Variants in HIPK2 observed in about 807,000 individuals in gnomAD.
HIPK2 encodes the protein homeodomain interacting protein kinase 2.
In HIPK2, 27 loss-of-function variants were observed where a neutral mutation model predicts 113.7. The observed-to-expected ratio is 0.24, with a 90% CI of 0.17 to 0.33. The LOEUF is 0.33. HIPK2 is among the 10% of genes least tolerant of loss of function. The probability of loss-of-function intolerance (pLI) is 1.00; values close to 1 mark genes in which losing one functional copy is unlikely to be tolerated. For synonymous variants in HIPK2, 631 were observed against 642.2 expected (o/e 0.98, Z 0.26); for missense variants, 1,257 against 1,588.0 (o/e 0.79, Z 3.54).
At chr7:139,762,991 T>G (rs1236757928) in intron 1 of HIPK2, among the ~76,000 whole-genome samples, 2 of 152,196 alleles carry the variant, frequency 1.3e-5, no homozygotes, top group Non-Finnish European at 2.9e-5. Context: ...AAGTGACATT[T>G]GAGGTGTGAC....
chr7:139,668,040 C>T (rs1354991418), intron 2 of HIPK2, among the ~76,000 whole-genome samples: 1 of 150,746 alleles, frequency 6.6e-6, no homozygotes. Flanking sequence ...GACAGGCGAT[C>T]GCTTGAACCC....
intron 12 of HIPK2, among the ~76,000 whole-genome samples, chr7:139,585,721 AGCT>A (rs1798812732): frequency 6.6e-6 from 1 of 152,224 alleles, no homozygotes; most frequent in Non-Finnish European, 1.5e-5. Flanking sequence ...ATTCCATAAT[AGCT>A]GCTATTCTTC....
chr7:139,577,140 C>CTTTTTTTTTTTTTTTTT (rs966966045), intron 13 of HIPK2, among the ~76,000 whole-genome samples: 1 of 91,434 alleles, frequency 1.1e-5, no homozygotes, highest in African/African-American at 4.3e-5. Context: ...ACTGGGCTTC[C>CTTTTTTTTTTTTTTTTT]TTTTTTTTTT....
At chr7:139,721,385 C>A (rs1420813065) in intron 1 of HIPK2, among the ~76,000 whole-genome samples, 1 of 152,164 alleles carries the variant, frequency 6.6e-6, no homozygotes, top group African/African-American at 2.4e-5. Flanking sequence ...GAGAGTATTT[C>A]TCTGGAACAA....
chr7:139,575,962 G>A (rs1271535553), intron 13 of HIPK2, among the ~76,000 whole-genome samples: 1 of 152,248 alleles, frequency 6.6e-6, no homozygotes, highest in Non-Finnish European at 1.5e-5. Flanking sequence ...TCAGAATCGT[G>A]AGCCAAATAA....
chr7:139,743,983 T>G (rs1425413186), intron 1 of HIPK2, among the ~76,000 whole-genome samples: 1 of 152,194 alleles, frequency 6.6e-6, no homozygotes, highest in African/African-American at 2.4e-5. Context: ...GAATATACAT[T>G]TAGCCAGAGA....
intron 2 of HIPK2, among the ~76,000 whole-genome samples, chr7:139,654,300 C>G (rs537145031): frequency 3.3e-5 from 5 of 152,142 alleles, no homozygotes; most frequent in African/African-American, 1.2e-4. Context: ...TCGCTTGGGC[C>G]CAGGAATTTG....
chr7:139,575,367 T>G (rs1798455666), intron 13 of HIPK2, 79 bp from the exon 14 acceptor site: 1 of 1,450,878 alleles, frequency 6.9e-7, no homozygotes, highest in African/African-American at 1.4e-5. Flanking sequence ...CAGAGAACAG[T>G]GGTCTTCCAG....
chr7:139,724,686 C>T lies in HIPK2; in HGVS notation c.20-7671G>A, dbSNP rs113057397. ...CCTAATGCTATCCCTACCCCCTCCC[C>T]CCACCCCACAACAGTCCCCAGAGTG... On this transcript the variant is annotated intron_variant, in intron 1 of 14. Coordinates refer to ENST00000406875, the MANE Select transcript of HIPK2 (RefSeq NM_022740.5). 5.3e-3 allele frequency among the ~76,000 whole-genome samples: 665 copies of T among 125,100 alleles called. 12 individuals are homozygous for T. Among genetic ancestry groups the T allele is most frequent in the African/African-American group, 0.02 (620 of 30,782 alleles). 82.1% of individuals were successfully genotyped at this position (125,100 alleles called of 152,430 possible).
rs74983673 is a variant in HIPK2, at chr7:139,666,077, A to C, written c.1104-34352T>G. Among the ~76,000 whole-genome samples, 386 of 152,208 alleles carry C rather than the reference A, an allele frequency of 2.5e-3. 3 individuals carry two copies. The highest frequency in any genetic ancestry group is 8.9e-3 in the African/African-American group (369 of 41,520). ...GAAGCCAATTTCTGTAAGGACTGGC[A>C]ATGACACCCAATCAAAGACACACAA... On this transcript the variant is annotated intron_variant, in intron 2 of 14. Transcript: ENST00000406875.
chr7:139,747,078 AG>A (rs1349194281), intron 1 of HIPK2, among the ~76,000 whole-genome samples: 1 of 152,184 alleles, frequency 6.6e-6, no homozygotes, highest in East Asian at 1.9e-4. Flanking sequence ...AATCAGTCAC[AG>A]GGACCCCTTT....
intron 1 of HIPK2, among the ~76,000 whole-genome samples, chr7:139,774,226 A>G (rs1796702037): frequency 6.6e-6 from 1 of 152,106 alleles, no homozygotes; most frequent in Non-Finnish European, 1.5e-5. Context: ...AGATAGAGGG[A>G]TTTAACACAC....
intron 6 of HIPK2, among the ~76,000 whole-genome samples, chr7:139,625,831 T>A (rs567495822): frequency 6.6e-6 from 1 of 152,190 alleles, no homozygotes; most frequent in Non-Finnish European, 1.5e-5. Flanking sequence ...CTCACCACTG[T>A]ACCCCGGCAC....
intron 9 of HIPK2, among the ~76,000 whole-genome samples, chr7:139,612,611 T>A (rs545130791): frequency 6.6e-6 from 1 of 152,348 alleles, no homozygotes; most frequent in South Asian, 2.1e-4. Flanking sequence ...GGTTCGAGTG[T>A]CATTAAGGAT....
In HIPK2 at chr7:139,574,021, C is replaced by G. The variant is rs77848862; in HGVS notation, c.3127-624G>C. Reference sequence around the variant, plus strand: ...GATGCCCCAGGCTGGAGTGCAGTGGCATGAACCTAGCTCACTGTAGCCTTG... The same window carrying G: ...GATGCCCCAGGCTGGAGTGCAGTGGGATGAACCTAGCTCACTGTAGCCTTG... On this transcript the variant is annotated intron_variant, in intron 14 of 14. Transcript: ENST00000406875. Among the ~76,000 whole-genome samples, 780 of 152,196 alleles carry G rather than the reference C, an allele frequency of 5.1e-3. 6 individuals are homozygous for G. Among genetic ancestry groups the G allele is most frequent in the African/African-American group, 0.017 (691 of 41,544 alleles).
rs1798048311 is a variant in HIPK2, at chr7:139,564,869, G to A, written c.*8058C>T. 1.3e-5 allele frequency: 2 copies of A among 152,164 alleles called. No individual in the cohort carries two copies. The highest frequency in any genetic ancestry group is 2.1e-4 in the South Asian group (1 of 4,836). The allele number at this position is 152,164 out of a possible 1,614,324, so 9.4% of individuals were successfully genotyped here. A position where few individuals can be genotyped will look rare whatever the true frequency, so the allele number is the denominator to read the frequency against. ...ATGTGACTGTTTTGATAGCTTAGAAGGCTAACAGCATTTTACAGTAGCTAA... is the reference window on the plus strand; with the variant it reads ...ATGTGACTGTTTTGATAGCTTAGAAAGCTAACAGCATTTTACAGTAGCTAA... On this transcript the variant is annotated 3_prime_UTR_variant, in exon 15 of 15. Transcript: ENST00000406875.
intron 2 of HIPK2, among the ~76,000 whole-genome samples, chr7:139,701,513 C>T (rs1186293241): frequency 1.3e-5 from 2 of 152,078 alleles, no homozygotes; most frequent in Admixed American, 1.3e-4. Context: ...AGACTTAGCC[C>T]AACTCACATA....
At chr7:139,767,731 A>G (rs956075578) in intron 1 of HIPK2, among the ~76,000 whole-genome samples, 3 of 152,264 alleles carry the variant, frequency 2.0e-5, no homozygotes, top group Admixed American at 6.5e-5. Flanking sequence ...GGAAAAGGAG[A>G]GCAGAGGATG....
chr7:139,588,951 C>T (rs759232331), intron 12 of HIPK2, among the ~76,000 whole-genome samples: 2 of 152,214 alleles, frequency 1.3e-5, no homozygotes, highest in Non-Finnish European at 2.9e-5. Flanking sequence ...CTCTCAGCTT[C>T]GGGCACAGCT....
Sources: allele counts gnomAD v4.1 joint callset (sites outside exome capture counted in the v4.1 genomes callset), GRCh38; gene constraint gnomAD v4.1.1; transcripts MANE v1.5; gene names NCBI Gene and HGNC (gene_info 2026-07-23, HGNC 2026-07-21).